Variants in CNOT11 observed in about 807,000 individuals in gnomAD.
The protein encoded by CNOT11 is UPF0760 protein C2orf29.
CNOT11 carries 18 observed loss-of-function variants against 44.6 expected under a neutral mutation model. The ratio of observed to expected loss-of-function variants is 0.40; its 90% CI spans 0.28 to 0.60. The LOEUF is 0.60. Among genes scored for constraint, CNOT11 ranks in the 20% least tolerant of loss-of-function variants. The pLI is 0.38. For synonymous variants in CNOT11, 291 were observed against 270.9 expected (o/e 1.07, Z -0.73); for missense variants, 513 against 677.0 (o/e 0.76, Z 2.69).
intron 1 of CNOT11, among the ~76,000 whole-genome samples, chr2:101,256,120 C>T (rs1346466542): frequency 1.4e-5 from 2 of 144,392 alleles, no homozygotes; most frequent in South Asian, 2.2e-4. Flanking sequence ...GCCTGAGCAA[C>T]AGAGTGAGAC....
intron 2 of CNOT11, among the ~76,000 whole-genome samples, chr2:101,261,848 T>TC (rs1368288443): frequency 3.5e-5 from 5 of 141,042 alleles, no homozygotes; most frequent in Non-Finnish European, 6.2e-5. Context: ...TTCTTTCTTT[T>TC]TTTTTTTTTT....
chr2:101,266,056 G>A (rs1181929004), intron 4 of CNOT11, among the ~76,000 whole-genome samples: 1 of 151,926 alleles, frequency 6.6e-6, no homozygotes, highest in African/African-American at 2.4e-5. Flanking sequence ...AGTAGACGGG[G>A]GAAAAAAAGC....
At chr2:101,262,263 T>A (rs983535979) in intron 2 of CNOT11, among the ~76,000 whole-genome samples, 2 of 152,150 alleles carry the variant, frequency 1.3e-5, no homozygotes, top group Non-Finnish European at 2.9e-5. Context: ...GTACAGCAGG[T>A]CCTTGAATAA....
At chr2:101,263,159 C>T (rs1347195962) in intron 3 of CNOT11, among the ~76,000 whole-genome samples, 1 of 151,456 alleles carries the variant, frequency 6.6e-6, no homozygotes, top group East Asian at 1.9e-4. Context: ...TTGCAGGAGC[C>T]GAGATCGAAC....
intron 2 of CNOT11, 22 bp downstream of exon 2, chr2:101,257,977 G>A (rs367641014): frequency 5.9e-5 from 95 of 1,599,574 alleles, no homozygotes; most frequent in Non-Finnish European, 7.7e-5. Flanking sequence ...TCAGTGTTTT[G>A]GGCATTTCTG....
At chr2:101,258,395 CAATAAATA>C (rs58613763) in intron 2 of CNOT11, among the ~76,000 whole-genome samples, 5,628 of 144,652 alleles carry the variant, frequency 0.039, 256 homozygotes, top group African/African-American at 0.11. Context: ...GACTCCATCT[CAATAAATA>C]AATAAATAAA....
chr2:101,266,628 C>G lies in CNOT11; in HGVS notation c.1036-49C>G, dbSNP rs141319514. ...TACATGGGAAAAAAAATTGACTCAA[C>G]ACCCTTTCTCTCTCCCTCTCTCTCT... On this transcript the variant is annotated intron_variant, in intron 4 of 6. Transcript: ENST00000289382. 1,767 of 1,439,780 alleles carry G rather than the reference C, an allele frequency of 1.2e-3. 15 individuals are homozygous for G. In the African/African-American group the frequency reaches 0.022, roughly 18 times the overall value. The allele number at this position is 1,439,780 out of a possible 1,614,324, so 89.2% of individuals were successfully genotyped here. A position where few individuals can be genotyped will look rare whatever the true frequency, so the allele number is the denominator to read the frequency against.
Position 101,262,750 on chromosome 2 carries a change from G to C in CNOT11, c.832+59G>C, listed in dbSNP as rs77432363. On this transcript the variant is annotated intron_variant, in intron 3 of 6. Transcript: ENST00000289382. ...TTTATTCTGTCAGCAGGATCCTCTA[G>C]GACTTTTCAGTTTTTGAGACATCAT... 1,956 of 1,410,074 alleles carry C rather than the reference G, an allele frequency of 1.4e-3. 23 individuals carry two copies. In the African/African-American group the frequency reaches 0.024, roughly 17 times the overall value. 87.3% of individuals were successfully genotyped at this position (1,410,074 alleles called of 1,614,324 possible).
intron 2 of CNOT11, among the ~76,000 whole-genome samples, chr2:101,262,069 C>T (rs1421001582): frequency 3.9e-5 from 6 of 151,906 alleles, no homozygotes; most frequent in African/African-American, 1.5e-4. Context: ...AGGATGGTCT[C>T]GATCTCCTGA....
chr2:101,260,265 T>C (rs926213147), intron 2 of CNOT11, among the ~76,000 whole-genome samples: 1 of 152,174 alleles, frequency 6.6e-6, no homozygotes, highest in Non-Finnish European at 1.5e-5. Context: ...CTGATGGTTC[T>C]AGCTTAGTAT....
At chr2:101,258,866 T>TA (rs2104363348) in intron 2 of CNOT11, among the ~76,000 whole-genome samples, 1 of 150,078 alleles carries the variant, frequency 6.7e-6, no homozygotes, top group South Asian at 2.1e-4. Flanking sequence ...AAGGCTGGCA[T>TA]AGTAGCTCAT....
At chr2:101,265,160 G>A (rs921362465) in intron 4 of CNOT11, 113 bp downstream of exon 4, 3 of 641,364 alleles carry the variant, frequency 4.7e-6, no homozygotes, top group Non-Finnish European at 7.4e-6. Flanking sequence ...GAGTGCAGTG[G>A]CACGATCTCG....
At position 101,269,511 on chromosome 2, in the gene CNOT11, A is replaced by T. The variant is rs963657839; in HGVS notation, c.*98A>T. The T allele has an allele frequency of 3.9e-6, 4 of 1,014,146 alleles. No homozygotes were observed. The highest frequency in any genetic ancestry group is 5.8e-6 in the Non-Finnish European group (4 of 684,236). The allele number at this position is 1,014,146 out of a possible 1,614,324, so 62.8% of individuals were successfully genotyped here. On this transcript the variant is annotated 3_prime_UTR_variant, in exon 7 of 7. Coordinates refer to ENST00000289382, the MANE Select transcript of CNOT11 (RefSeq NM_017546.5). This position sits in a 1 kb window ranked among gnomAD's most constrained non-coding sequence, Gnocchi z 4.8. ...CTGAGTGGATTGCTTGGTTTAATGC[A>T]TATAAACAGTACTTTATCTACTTAA...
chr2:101,261,415 C>A (rs564731500), intron 2 of CNOT11, among the ~76,000 whole-genome samples: 7 of 152,312 alleles, frequency 4.6e-5, no homozygotes, highest in African/African-American at 1.4e-4. Context: ...TTCATTGCTG[C>A]TGTGGTACCT....
chr2:101,256,679 C>T (rs980790946), intron 1 of CNOT11, among the ~76,000 whole-genome samples: 3 of 152,186 alleles, frequency 2.0e-5, no homozygotes, highest in Non-Finnish European at 4.4e-5. Context: ...AAAGCATTTC[C>T]GAGCACTATA....
intron 2 of CNOT11, among the ~76,000 whole-genome samples, chr2:101,262,239 T>A (rs1681881081): frequency 6.6e-6 from 1 of 152,178 alleles, no homozygotes; most frequent in African/African-American, 2.4e-5. Context: ...AACTGCAGAT[T>A]TAAGTGAAGT....
chr2:101,265,349 C>T (rs780222903), intron 4 of CNOT11, among the ~76,000 whole-genome samples: 86 of 152,170 alleles, frequency 5.7e-4, no homozygotes, highest in Non-Finnish European at 1.1e-3. Context: ...CAACCTTGGC[C>T]TTCCAAAGTG....
At chr2:101,266,936 A>G (rs1412265246) in intron 5 of CNOT11, 57 bp downstream of exon 5, 23 of 1,298,604 alleles carry the variant, frequency 1.8e-5, no homozygotes, top group Non-Finnish European at 2.4e-5. Flanking sequence ...GATGGCCAGG[A>G]AAGAAAAATT....
chr2:101,261,958 T>G (rs1050255584), intron 2 of CNOT11, among the ~76,000 whole-genome samples: 4 of 149,950 alleles, frequency 2.7e-5, no homozygotes, highest in African/African-American at 9.8e-5. Flanking sequence ...GCCATTCTCC[T>G]GCCTCAGCCT....
Sources: allele counts gnomAD v4.1 joint callset (sites outside exome capture counted in the v4.1 genomes callset), GRCh38; gene constraint gnomAD v4.1.1; non-coding constraint Gnocchi (gnomAD v3.1); transcripts MANE v1.5; gene names NCBI Gene and HGNC (gene_info 2026-07-23, HGNC 2026-07-21).